ATF2: variants seen among roughly 807,000 people sequenced by gnomAD.
The protein encoded by ATF2 is cyclic AMP-dependent transcription factor ATF-2.
ATF2 carries 24 observed loss-of-function variants against 60.6 expected under a neutral mutation model. The ratio of observed to expected loss-of-function variants is 0.40; its 90% confidence interval spans 0.29 to 0.56. The LOEUF (loss-of-function observed/expected upper bound fraction) is 0.56, where lower values mean the gene tolerates loss of function less well. Ranked by LOEUF, ATF2 falls within the 20% of genes least tolerant of loss-of-function variation. The probability of loss-of-function intolerance (pLI) is 0.54; values close to 1 mark genes in which losing one functional copy is unlikely to be tolerated. For synonymous variants in ATF2, 206 were observed against 215.4 expected (o/e 0.96, Z 0.38); for missense variants, 433 against 607.7 (o/e 0.71, Z 3.02).
In ATF2 at chr2:175,072,585, A is replaced by C. The variant is rs1419100180; in HGVS notation, c.*2024T>G. On this transcript the variant is annotated 3_prime_UTR_variant, in exon 14 of 14. Coordinates refer to ENST00000264110, the MANE Select transcript of ATF2 (RefSeq NM_001880.4). ...AAGAACCTTAACTTGCATAAGTAAT[A>C]AGATGAAAGAAAAATGTACTGAAGG... 4 of 152,164 alleles carry C rather than the reference A, an allele frequency of 2.6e-5. No individual in the cohort carries two copies. The highest frequency in any genetic ancestry group is 9.6e-5 in the African/African-American group (4 of 41,454). The allele number at this position is 152,164 out of a possible 1,614,324, so 9.4% of individuals were successfully genotyped here.
intron 1 of ATF2, among the ~76,000 whole-genome samples, chr2:175,164,171 T>C (rs1700208581): frequency 6.7e-6 from 1 of 149,338 alleles, no homozygotes; most frequent in African/African-American, 2.4e-5. Context: ...AAAAGACACA[T>C]ATAATGAATA....
intron 13 of ATF2, among the ~76,000 whole-genome samples, chr2:175,075,767 C>T (rs1373374744): frequency 6.6e-6 from 1 of 152,168 alleles, no homozygotes; most frequent in African/African-American, 2.4e-5. Context: ...CAAAGGTAAT[C>T]ACCACTCTGA....
intron 11 of ATF2, among the ~76,000 whole-genome samples, chr2:175,094,416 A>AAAAAAAAAAAAAAG (rs1694772633): frequency 6.7e-6 from 1 of 149,042 alleles, no homozygotes; most frequent in Non-Finnish European, 1.5e-5. Context: ...AAAAAAAAAA[A>AAAAAAAAAAAAAAG]AAAAAAAAAA....
At chr2:175,164,824 A>C (rs534739107) in intron 1 of ATF2, among the ~76,000 whole-genome samples, 40 of 152,216 alleles carry the variant, frequency 2.6e-4, no homozygotes, top group African/African-American at 8.9e-4. Flanking sequence ...ACTAAATTAA[A>C]CTCCAGATTA....
intron 2 of ATF2, among the ~76,000 whole-genome samples, chr2:175,140,474 G>T (rs564216423): frequency 2.0e-5 from 3 of 152,084 alleles, no homozygotes; most frequent in Non-Finnish European, 4.4e-5. Context: ...GGTTGCTGAG[G>T]GACAGGAGTA....
In ATF2 at chr2:175,167,267, T is replaced by C. The variant is rs537560700; in HGVS notation, c.-143+783A>G. ...CCTTTCGGCCCTGGTCCCTAGGGCA[T>C]TGATGAAAAGCAAATTATTTCTTTA... On this transcript the variant is annotated intron_variant, in intron 1 of 13. Transcript: ENST00000264110. Among the ~76,000 whole-genome samples the C allele has an allele frequency of 4.6e-5, 7 of 152,052 alleles. No homozygotes were observed. In the East Asian group the frequency reaches 1.2e-3, roughly 25 times the overall value.
intron 1 of ATF2, among the ~76,000 whole-genome samples, chr2:175,163,039 C>T (rs1700117378): frequency 6.6e-6 from 1 of 152,020 alleles, no homozygotes; most frequent in Admixed American, 6.6e-5. Context: ...GAGGCTGAGG[C>T]AGGAGAATGG....
chr2:175,139,365 G>A (rs149552526), intron 2 of ATF2, among the ~76,000 whole-genome samples: 1 of 152,124 alleles, frequency 6.6e-6, no homozygotes, highest in Non-Finnish European at 1.5e-5. Context: ...CAACCTCTAC[G>A]CTCCAAGGTT....
At chr2:175,143,496 C>T (rs1440470768) in intron 2 of ATF2, among the ~76,000 whole-genome samples, 3 of 152,016 alleles carry the variant, frequency 2.0e-5, no homozygotes, top group Non-Finnish European at 4.4e-5. Flanking sequence ...ATAAATTCCA[C>T]AAGATGAACT....
intron 13 of ATF2, 148 bp from the exon 14 acceptor site, chr2:175,074,983 G>A (rs1693196684): frequency 6.6e-7 from 1 of 1,510,612 alleles, no homozygotes; most frequent in African/African-American, 1.4e-5. Flanking sequence ...TATAGGTCAT[G>A]AAGTAGGCAA....
At chr2:175,104,257 C>T (rs982791109) in intron 10 of ATF2, among the ~76,000 whole-genome samples, 2 of 152,066 alleles carry the variant, frequency 1.3e-5, no homozygotes, top group Non-Finnish European at 1.5e-5. Context: ...TTATTTTTAA[C>T]CACAGGTCAT....
rs879626875 is a variant in ATF2 at position 175,106,536 on chromosome 2, C to CA, written c.828+5031dup. ...GAGAAAGACTGTCCAAAAACAACAA[C>CA]AAAAAAAAAAGAATTACAGTCAGGT... On this transcript the variant is annotated intron_variant, in intron 10 of 13. Coordinates refer to ENST00000264110, the MANE Select transcript of ATF2 (RefSeq NM_001880.4). 7.0e-3 allele frequency among the ~76,000 whole-genome samples: 1,005 copies of CA among 143,262 alleles called. 4 individuals are homozygous for CA. Among genetic ancestry groups the CA allele is most frequent in the Non-Finnish European group, 0.011 (701 of 65,044 alleles). 94.0% of individuals were successfully genotyped at this position (143,262 alleles called of 152,430 possible).
intron 10 of ATF2, among the ~76,000 whole-genome samples, chr2:175,105,312 C>A (rs977803039): frequency 1.1e-4 from 10 of 88,198 alleles, no homozygotes; most frequent in Non-Finnish European, 1.4e-4. Context: ...TAAAATCTGC[C>A]CCCCCCCCAA....
At chr2:175,114,955 C>T in intron 7 of ATF2, 87 bp from the exon 8 acceptor site, 2 of 1,295,254 alleles carry the variant, frequency 1.5e-6, no homozygotes, top group Non-Finnish European at 2.1e-6. Context: ...CTTCTAAAAG[C>T]ATCTACAGAA....
intron 1 of ATF2, among the ~76,000 whole-genome samples, chr2:175,154,150 G>GT (rs1699504588): frequency 6.6e-6 from 1 of 150,770 alleles, no homozygotes; most frequent in Admixed American, 6.6e-5. Flanking sequence ...GGAGGCGGCG[G>GT]TTGCAGTGAG....
chr2:175,113,132 G>A (rs1696317741), intron 9 of ATF2, among the ~76,000 whole-genome samples: 1 of 152,050 alleles, frequency 6.6e-6, no homozygotes, highest in Non-Finnish European at 1.5e-5. Context: ...TTCTCAGGAT[G>A]AAAATTTGAA....
chr2:175,108,685 G>C (rs541969626), intron 10 of ATF2, among the ~76,000 whole-genome samples: 32 of 152,224 alleles, frequency 2.1e-4, no homozygotes, highest in Non-Finnish European at 3.5e-4. Flanking sequence ...GTACCCAACA[G>C]CTCATTGAGA....
chr2:175,107,822 GC>G (rs1166378566), intron 10 of ATF2, among the ~76,000 whole-genome samples: 1 of 152,180 alleles, frequency 6.6e-6, no homozygotes, highest in Non-Finnish European at 1.5e-5. Context: ...GCCAGCCTCG[GC>G]CCCCCGAGGT....
intron 12 of ATF2, among the ~76,000 whole-genome samples, chr2:175,088,832 T>C (rs181830889): frequency 1.3e-5 from 2 of 152,022 alleles, no homozygotes; most frequent in East Asian, 3.9e-4. Context: ...TATAAACAGG[T>C]AAAAACCATT....
Sources: allele counts gnomAD v4.1 joint callset (sites outside exome capture counted in the v4.1 genomes callset), GRCh38; gene constraint gnomAD v4.1.1; transcripts MANE v1.5; gene names NCBI Gene and HGNC (gene_info 2026-07-23, HGNC 2026-07-21).